Variants in RPIA observed in about 807,000 individuals in gnomAD.
RPIA encodes ribose 5-phosphate isomerase A.
A neutral mutation model predicts 37.8 loss-of-function variants in RPIA; 29 were observed. That is an observed-to-expected ratio of 0.77 (90% confidence interval 0.57 to 1.05). The LOEUF (loss-of-function observed/expected upper bound fraction) is 1.05. Ranked by LOEUF, RPIA falls within the 50% of genes least tolerant of loss-of-function variation. RPIA has a pLI of 0.00. For synonymous variants in RPIA, 167 were observed against 157.0 expected, an observed-to-expected ratio of 1.06 and a Z score of -0.48; for missense variants, 385 against 413.6, an observed-to-expected ratio of 0.93 and a Z score of 0.60.
In RPIA at chr2:88,749,975, C is replaced by T; in HGVS notation, c.839-6C>T. The T allele has an allele frequency of 1.2e-6, 2 of 1,606,084 alleles. No individual in the cohort carries two copies. Among genetic ancestry groups the T allele is most frequent in the African/African-American group, 2.7e-5 (2 of 74,826 alleles). ...ACAATGTTTCTTTCTGTCCTTTGTC[C>T]TGCAGGTGTGGTGGACACAGGCCTA... On this transcript the variant is annotated splice_region_variant and splice_polypyrimidine_tract_variant and intron_variant, in intron 8 of 8. Coordinates refer to ENST00000283646, the MANE Select transcript of RPIA (RefSeq NM_144563.3).
chr2:88,703,453 G>C (rs568389491), intron 3 of RPIA, among the ~76,000 whole-genome samples: 1 of 152,344 alleles, frequency 6.6e-6, no homozygotes, highest in African/African-American at 2.4e-5. Context: ...CTTGACTTCT[G>C]TGCTCCTGCA....
rs71339630 is a variant in RPIA, at chr2:88,721,569, A to C, written c.403-7709A>C. ...TACACACACACACACACACACACAC[A>C]CACCCCCCCCCCCACATGCACACAT... On this transcript the variant is annotated intron_variant, in intron 3 of 8. Coordinates refer to ENST00000283646, the MANE Select transcript of RPIA (RefSeq NM_144563.3). 1.8e-3 allele frequency among the ~76,000 whole-genome samples: 167 copies of C among 91,044 alleles called. 1 individual carries two copies. The highest frequency in any genetic ancestry group is 4.5e-3 in the South Asian group (10 of 2,218). The allele number at this position is 91,044 out of a possible 152,430, so 59.7% of individuals were successfully genotyped here.
chr2:88,715,243 T>C (rs1573467228), intron 3 of RPIA, among the ~76,000 whole-genome samples: 1 of 152,170 alleles, frequency 6.6e-6, no homozygotes, highest in South Asian at 2.1e-4. Context: ...GAGTGCAGGG[T>C]GAAGTCAAGG....
chr2:88,701,147 G>A lies in RPIA; in HGVS notation c.402+1083G>A, dbSNP rs368136762. The stretch of plus-strand genomic sequence containing the variant: ...TAGACAGGTTAGGGAGTTGGATAGT[G>A]CATACTGTTGGAGCTTCCTTGATGT... On this transcript the variant is annotated intron_variant, in intron 3 of 8. Coordinates refer to ENST00000283646, the MANE Select transcript of RPIA (RefSeq NM_144563.3). Among the ~76,000 whole-genome samples, 95 of 152,220 alleles carry A rather than the reference G, an allele frequency of 6.2e-4. 1 individual carries two copies. Among genetic ancestry groups the A allele is most frequent in the African/African-American group, 2.2e-3 (90 of 41,528 alleles).
At chr2:88,733,092 GT>G (rs1381955684) in intron 4 of RPIA, among the ~76,000 whole-genome samples, 3 of 152,196 alleles carry the variant, frequency 2.0e-5, no homozygotes, top group African/African-American at 7.2e-5. Flanking sequence ...GCTAGTTTGA[GT>G]TTTTTGGGAA....
At chr2:88,699,575 G>A (rs111234023) in intron 2 of RPIA, among the ~76,000 whole-genome samples, 1 of 152,106 alleles carries the variant, frequency 6.6e-6, no homozygotes, top group African/African-American at 2.4e-5. Flanking sequence ...AGACTGTGTG[G>A]CTACATGGCC....
intron 8 of RPIA, among the ~76,000 whole-genome samples, chr2:88,739,230 T>C (rs908964899): frequency 6.6e-6 from 1 of 152,222 alleles, no homozygotes; most frequent in Admixed American, 6.5e-5. Context: ...TCATGGAGTA[T>C]TCTTGGGCCA....
chr2:88,706,989 A>G (rs1313664869), intron 3 of RPIA, among the ~76,000 whole-genome samples: 1 of 152,252 alleles, frequency 6.6e-6, no homozygotes, highest in Admixed American at 6.5e-5. Flanking sequence ...GTAATTTTCC[A>G]GGAAGAAGAG....
In RPIA at chr2:88,698,534, G is replaced by T. The variant is rs964331782; in HGVS notation, c.336G>T (p.Val112=). The part of the protein sequence containing the change: ...IGSGSTIVHA[V]QRIAERVKQE... Reference sequence around the variant, plus strand: ...GTGGTTCTACAATTGTCCATGCTGTGCAGCGAATAGGTATGCTCTCTCACT... The same window carrying T: ...GTGGTTCTACAATTGTCCATGCTGTTCAGCGAATAGGTATGCTCTCTCACT... Residue 112 remains valine (V), a synonymous_variant, in exon 2 of 9, where the codon GTG becomes GTT. Coordinates refer to ENST00000283646, the MANE Select transcript of RPIA (RefSeq NM_144563.3). 3 of 1,613,986 alleles carry T rather than the reference G, an allele frequency of 1.9e-6. No individual in the cohort carries two copies. In the Admixed American group the frequency reaches 5.0e-5, roughly 27 times the overall value.
intron 3 of RPIA, among the ~76,000 whole-genome samples, chr2:88,711,881 A>C (rs996419264): frequency 6.6e-6 from 1 of 152,232 alleles, no homozygotes; most frequent in Non-Finnish European, 1.5e-5. Flanking sequence ...GGCTCATGCC[A>C]GTAATCTTAA....
chr2:88,736,767 CT>C, intron 7 of RPIA, 91 bp downstream of exon 7: 1 of 1,435,146 alleles, frequency 7.0e-7, no homozygotes, highest in Non-Finnish European at 9.5e-7. Context: ...GTCATGTGTG[CT>C]TCCACCAGGC....
Position 88,691,696 on chromosome 2 carries a change from G to T in RPIA, c.-3G>T, listed in dbSNP as rs371070595. On this transcript the variant is annotated 5_prime_UTR_variant, in exon 1 of 9. Transcript: ENST00000283646. ...TCAGCGGAGGCCGGAGCGAGGCGTCGGGATGCAGCGCCCCGGGCCCTTCAG... is the reference window on the plus strand; with the variant it reads ...TCAGCGGAGGCCGGAGCGAGGCGTCTGGATGCAGCGCCCCGGGCCCTTCAG... 22 of 1,568,252 alleles carry T rather than the reference G, an allele frequency of 1.4e-5. No individual in the cohort carries two copies. The highest frequency in any genetic ancestry group is 1.8e-5 in the Admixed American group (1 of 54,688).
intron 3 of RPIA, among the ~76,000 whole-genome samples, chr2:88,700,840 A>G (rs1672821619): frequency 1.3e-5 from 2 of 152,212 alleles, no homozygotes; most frequent in South Asian, 2.1e-4. Context: ...GTCATCCCTC[A>G]TCTGGCCATT....
At chr2:88,740,099 C>T (rs1165400113) in intron 8 of RPIA, among the ~76,000 whole-genome samples, 1 of 152,164 alleles carries the variant, frequency 6.6e-6, no homozygotes, top group Non-Finnish European at 1.5e-5. Context: ...AATGGGAGAA[C>T]TTGCCCTTGG....
At chr2:88,715,959 C>T (rs1404590084) in intron 3 of RPIA, among the ~76,000 whole-genome samples, 1 of 152,118 alleles carries the variant, frequency 6.6e-6, no homozygotes, top group African/African-American at 2.4e-5. Flanking sequence ...GGCAAATCTG[C>T]CTCCTATTTT....
chr2:88,713,117 TATA>T (rs1411686360), intron 3 of RPIA, among the ~76,000 whole-genome samples: 2 of 102,950 alleles, frequency 1.9e-5, no homozygotes, highest in African/African-American at 8.5e-5. Flanking sequence ...TATATATATA[TATA>T]TTTTTTTTTT....
chr2:88,737,433 A>C (rs1368405543), intron 7 of RPIA, among the ~76,000 whole-genome samples: 1 of 152,204 alleles, frequency 6.6e-6, no homozygotes. Context: ...CAGTGCTCTG[A>C]CTGACGTTCA....
rs187304926 is a variant in RPIA at position 88,748,102 on chromosome 2, A to G, written c.839-1879A>G. 2.0e-5 allele frequency among the ~76,000 whole-genome samples: 3 copies of G among 152,318 alleles called. No homozygotes were observed. In the East Asian group the frequency reaches 5.8e-4, roughly 29 times the overall value. On this transcript the variant is annotated intron_variant, in intron 8 of 8. Transcript: ENST00000283646. ...TTGCCACTTTTCCAACCAACTAGTT[A>G]CCCTATCTGGAGGCAGCCAGTGTTA...
At chr2:88,742,332 T>A (rs550282978) in intron 8 of RPIA, among the ~76,000 whole-genome samples, 1 of 152,232 alleles carries the variant, frequency 6.6e-6, no homozygotes, top group Non-Finnish European at 1.5e-5. Context: ...ATATTTTTGT[T>A]TGCTTTGTTG....
Sources: gnomAD v4.1 joint callset for allele counts (sites outside exome capture counted in the v4.1 genomes callset) on GRCh38, gnomAD v4.1.1 for gene constraint, MANE v1.5 for transcripts, NCBI Gene and HGNC (gene_info 2026-07-23, HGNC 2026-07-21) for gene names.